The following AGTPBP1 variants were observed in gnomAD, a reference collection of about 807,000 sequenced individuals.
AGTPBP1 encodes ATP/GTP binding carboxypeptidase 1, also known as cytosolic carboxypeptidase 1.
AGTPBP1 carries 70 observed loss-of-function variants against 143.9 expected under a neutral mutation model. That is an observed-to-expected ratio of 0.49 (90% CI 0.40 to 0.59). The LOEUF (loss-of-function observed/expected upper bound fraction) is 0.59. Among genes scored for constraint, AGTPBP1 ranks in the 20% least tolerant of loss-of-function variants. The pLI is 0.00. For synonymous variants in AGTPBP1, 463 were observed against 500.2 expected (o/e 0.93, Z 0.99); for missense variants, 1,229 against 1,464.5 (o/e 0.84, Z 2.62).
chr9:85,593,055 T>G (rs148785231), intron 18 of AGTPBP1, among the ~76,000 whole-genome samples: 90 of 152,252 alleles, frequency 5.9e-4, no homozygotes, highest in African/African-American at 1.7e-3. Flanking sequence ...GATGGACACC[T>G]TTACGTGGAT....
chr9:85,774,026 T>G, the AGTPBP1 span: 1 of 1,600,318 alleles, frequency 6.2e-7, no homozygotes, highest in African/African-American at 1.3e-5. Context: ...TGCTGTTACA[T>G]CATTTCAAAG....
chr9:85,691,534 A>G (rs200812912), intron 3 of AGTPBP1, among the ~76,000 whole-genome samples: 2 of 131,342 alleles, frequency 1.5e-5, no homozygotes, highest in Admixed American at 7.5e-5. Flanking sequence ...AAAAAAAAAG[A>G]GGGTGTGTGT....
intron 25 of AGTPBP1, among the ~76,000 whole-genome samples, chr9:85,567,216 AT>A (rs1371771701): frequency 2.0e-5 from 3 of 152,244 alleles, no homozygotes; most frequent in Non-Finnish European, 4.4e-5. Flanking sequence ...CACAATAAAA[AT>A]AAACAGCACA....
intron 21 of AGTPBP1, 44 bp from the exon 22 acceptor site, chr9:85,587,004 T>C (rs776927146): frequency 6.8e-6 from 11 of 1,610,736 alleles, no homozygotes; most frequent in Non-Finnish European, 9.3e-6. Flanking sequence ...CTGGTACCCA[T>C]AAACCCTTAT....
intron 12 of AGTPBP1, 22 bp downstream of exon 12, chr9:85,646,299 A>G: frequency 6.4e-7 from 1 of 1,564,532 alleles, no homozygotes; most frequent in Non-Finnish European, 8.8e-7. Context: ...AAAGCTAACT[A>G]ATTACAGAAA....
At chr9:85,614,409 C>T (rs62566930) in intron 17 of AGTPBP1, among the ~76,000 whole-genome samples, 2,509 of 151,880 alleles carry the variant, frequency 0.017, 29 homozygotes, top group Middle Eastern at 0.054. Context: ...ACAACAGAAA[C>T]AAAGGTAAAC....
chr9:85,664,460 A>G (rs952926315), intron 8 of AGTPBP1, among the ~76,000 whole-genome samples: 4 of 152,198 alleles, frequency 2.6e-5, no homozygotes, highest in African/African-American at 9.6e-5. Context: ...TATGATTTTT[A>G]AAGAAATTAA....
At chr9:85,612,433 C>G (rs1025606015) in intron 17 of AGTPBP1, among the ~76,000 whole-genome samples, 2 of 152,180 alleles carry the variant, frequency 1.3e-5, no homozygotes, top group Non-Finnish European at 2.9e-5. Context: ...CACTCCAACT[C>G]CATGGGGAAA....
chr9:85,730,679 G>A lies in AGTPBP1; in HGVS notation c.-34+11096C>T, dbSNP rs563057157. 1.1e-4 allele frequency among the ~76,000 whole-genome samples: 16 copies of A among 152,240 alleles called. No individual in the cohort carries two copies. The South Asian group carries it at 3.3e-3, about 32-fold the overall frequency. On this transcript the variant is annotated intron_variant, in intron 1 of 25. Transcript: ENST00000357081. ...TAGCTTGAACTTGCCCTTTGACATA[G>A]CCTTGAACGTGCCCTTTCCAATAAG...
At chr9:85,579,142 A>T in intron 23 of AGTPBP1, 46 bp from the exon 24 acceptor site, 1 of 1,529,906 alleles carries the variant, frequency 6.5e-7, no homozygotes, top group Non-Finnish European at 8.7e-7. Context: ...CAAGTTTTTA[A>T]TTTTAAATGT....
chr9:85,551,108 A>G (rs1826013946), intron 25 of AGTPBP1, among the ~76,000 whole-genome samples: 1 of 152,070 alleles, frequency 6.6e-6, no homozygotes, highest in African/African-American at 2.4e-5. Flanking sequence ...TTCCACGAGT[A>G]AAAGCTCCCT....
At chr9:85,601,442 C>T (rs1402063268) in intron 17 of AGTPBP1, among the ~76,000 whole-genome samples, 5 of 152,188 alleles carry the variant, frequency 3.3e-5, no homozygotes, top group African/African-American at 7.2e-5. Context: ...TGTCAACCAG[C>T]GCTGGCACCT....
chr9:85,794,584 T>A, the AGTPBP1 span, among the ~76,000 whole-genome samples: 1 of 152,170 alleles, frequency 6.6e-6, no homozygotes, highest in African/African-American at 2.4e-5. Flanking sequence ...GAAGTGTGAA[T>A]CCATGAACTT....
rs1314303086 is a variant in AGTPBP1 at position 85,669,001 on chromosome 9, GTGTGTGTA to G, written c.662+476_662+483del. Among the ~76,000 whole-genome samples, 15 of 77,398 alleles carry G rather than the reference GTGTGTGTA, an allele frequency of 1.9e-4. No individual in the cohort carries two copies. In the East Asian group the frequency reaches 2.7e-3, roughly 14 times the overall value. 50.8% of individuals were successfully genotyped at this position (77,398 alleles called of 152,430 possible). On this transcript the variant is annotated intron_variant, in intron 8 of 25. Transcript: ENST00000357081. ...TGTGTGTGTGTGTGTGTGTGTGTGT[GTGTGTGTA>G]TACATACACACACACACACACACAC... is the stretch of plus-strand genomic sequence containing the variant.
At chr9:85,755,333 T>C in the AGTPBP1 span, among the ~76,000 whole-genome samples, 2 of 152,244 alleles carry the variant, frequency 1.3e-5, no homozygotes, top group African/African-American at 4.8e-5. Flanking sequence ...TTTTAAACAG[T>C]CATATTCCAT....
the AGTPBP1 span, among the ~76,000 whole-genome samples, chr9:85,773,412 C>A: frequency 7.5e-6 from 1 of 133,436 alleles, no homozygotes. Context: ...GGCTCCACTG[C>A]AGACTCCGCC....
At chr9:85,759,838 T>G in the AGTPBP1 span, among the ~76,000 whole-genome samples, 9 of 147,042 alleles carry the variant, frequency 6.1e-5, no homozygotes, top group East Asian at 1.7e-3. Flanking sequence ...AAGGAGCTGG[T>G]TTTTTGAGAT....
chr9:85,736,983 G>C (rs1269837754), intron 1 of AGTPBP1, among the ~76,000 whole-genome samples: 1 of 152,228 alleles, frequency 6.6e-6, no homozygotes, highest in East Asian at 1.9e-4. Context: ...GTAGGCGCCT[G>C]TAGTCCCAGC....
intron 1 of AGTPBP1, among the ~76,000 whole-genome samples, chr9:85,731,536 G>A (rs948797646): frequency 6.6e-6 from 1 of 151,928 alleles, no homozygotes; most frequent in Non-Finnish European, 1.5e-5. Context: ...CAAGGCTCAC[G>A]GCAGCCTCAA....
Sources: allele counts gnomAD v4.1 joint callset (sites outside exome capture counted in the v4.1 genomes callset), GRCh38; gene constraint gnomAD v4.1.1; transcripts MANE v1.5; gene names NCBI Gene and HGNC (gene_info 2026-07-23, HGNC 2026-07-21).